Variants in LPP observed in about 807,000 individuals in gnomAD.
The protein encoded by LPP is lipoma-preferred partner.
Under a neutral mutation model 60.4 loss-of-function variants are expected in LPP, and 38 were observed. The ratio of observed to expected loss-of-function variants is 0.63; its 90% CI spans 0.49 to 0.83. The LOEUF (loss-of-function observed/expected upper bound fraction) is 0.83, where lower values mean the gene tolerates loss of function less well. Among genes scored for constraint, LPP ranks in the 40% least tolerant of loss-of-function variants. The probability of loss-of-function intolerance (pLI) is 0.00; values close to 1 mark genes in which losing one functional copy is unlikely to be tolerated. For missense variants in LPP, 902 were observed against 783.6 expected (o/e 1.15, Z -1.80); for synonymous variants, 328 against 290.8 (o/e 1.13, Z -1.30).
chr3:188,664,972 G>A (rs1358840971), intron 7 of LPP, among the ~76,000 whole-genome samples: 1 of 152,102 alleles, frequency 6.6e-6, no homozygotes, highest in Non-Finnish European at 1.5e-5. Context: ...CACTTTGGTA[G>A]CATCTTCCCC....
rs1278999959 is a variant in LPP, at chr3:188,849,835, T to C, written c.1411-16365T>C. Among the ~76,000 whole-genome samples the C allele has an allele frequency of 3.9e-5, 6 of 152,328 alleles. No homozygotes were observed. In the East Asian group the frequency reaches 1.2e-3, roughly 29 times the overall value. ...ATATCTAATGGTACAGATACCAGTT[T>C]CCTTCTTTCTCCTCACTTCCTTAGG... On this transcript the variant is annotated intron_variant, in intron 9 of 11. Coordinates refer to ENST00000617246, the MANE Select transcript of LPP (RefSeq NM_001375462.1).
At chr3:188,365,317 G>C (rs1251337696) in intron 3 of LPP, among the ~76,000 whole-genome samples, 4 of 152,156 alleles carry the variant, frequency 2.6e-5, no homozygotes, top group Non-Finnish European at 5.9e-5. Flanking sequence ...TCCTGTAGAA[G>C]GTCATTATGA....
chr3:188,608,488 C>A (rs575179395), intron 6 of LPP, among the ~76,000 whole-genome samples: 2 of 134,796 alleles, frequency 1.5e-5, no homozygotes, highest in South Asian at 5.4e-4. Flanking sequence ...ACTGTATACA[C>A]GTGGATATAT....
intron 8 of LPP, among the ~76,000 whole-genome samples, chr3:188,744,392 C>G (rs1234898813): frequency 6.6e-6 from 1 of 152,160 alleles, no homozygotes; most frequent in Non-Finnish European, 1.5e-5. Context: ...TTTGAAACAA[C>G]CTTTGAATCT....
chr3:188,474,281 G>C (rs552494170), intron 4 of LPP, among the ~76,000 whole-genome samples: 115 of 150,700 alleles, frequency 7.6e-4, no homozygotes, highest in Admixed American at 1.5e-3. Context: ...TGTTAATCAG[G>C]TAGGGGAAAC....
chr3:188,863,458 T>G (rs1366713364), intron 9 of LPP, among the ~76,000 whole-genome samples: 3 of 152,122 alleles, frequency 2.0e-5, no homozygotes, highest in African/African-American at 7.2e-5. Context: ...GTCCAGCACA[T>G]CCATTCTCAA....
rs1431767758 is a variant in LPP at position 188,613,296 on chromosome 3, A to ACC, written c.1113+3452_1113+3453insCC. ...TATCTATATCTATATCTATATCTATATCTATATCTATATCTATATATATCG... is the reference window on the plus strand; with the variant it reads ...TATCTATATCTATATCTATATCTATACCTCTATATCTATATCTATATATATCG... On this transcript the variant is annotated intron_variant, in intron 7 of 11. Coordinates refer to ENST00000617246, the MANE Select transcript of LPP (RefSeq NM_001375462.1). Among the ~76,000 whole-genome samples, 107 of 141,896 alleles carry ACC rather than the reference A, an allele frequency of 7.5e-4. 1 individual carries two copies. Among genetic ancestry groups the ACC allele is most frequent in the Admixed American group, 1.4e-3 (20 of 14,378 alleles). 93.1% of individuals were successfully genotyped at this position (141,896 alleles called of 152,430 possible).
intron 7 of LPP, among the ~76,000 whole-genome samples, chr3:188,658,137 G>GTTTAGTTTAGT (rs375100095): frequency 0.062 from 8,988 of 146,032 alleles, 399 homozygotes; most frequent in South Asian, 0.11. Flanking sequence ...TTTAGTTTAG[G>GTTTAGTTTAGT]TTAGTTTAGT....
chr3:188,803,407 C>T (rs1334696429), intron 9 of LPP, among the ~76,000 whole-genome samples: 1 of 151,988 alleles, frequency 6.6e-6, no homozygotes, highest in Non-Finnish European at 1.5e-5. Context: ...TTAAATATGG[C>T]CATAGTTTAT....
At position 188,662,104 on chromosome 3, in the gene LPP, A is replaced by T. The variant is rs529449159; in HGVS notation, c.1114-46163A>T. Reference sequence around the variant, plus strand: ...TGTCCTTATGTGAAACAATAAAAATATTTTAAAACTTTCTCTCAGTTATGC... The same window carrying T: ...TGTCCTTATGTGAAACAATAAAAATTTTTTAAAACTTTCTCTCAGTTATGC... On this transcript the variant is annotated intron_variant, in intron 7 of 11. Coordinates refer to ENST00000617246, the MANE Select transcript of LPP (RefSeq NM_001375462.1). Among the ~76,000 whole-genome samples, 10 of 152,358 alleles carry T rather than the reference A, an allele frequency of 6.6e-5. No homozygotes were observed. The South Asian group carries it at 1.7e-3, about 25-fold the overall frequency.
chr3:188,251,679 C>G (rs1364202744), intron 2 of LPP, among the ~76,000 whole-genome samples: 1 of 152,026 alleles, frequency 6.6e-6, no homozygotes, highest in Non-Finnish European at 1.5e-5. Flanking sequence ...TGGTGCTCCT[C>G]CTTCAACTTA....
At chr3:188,761,396 C>T (rs1288462035) in intron 9 of LPP, among the ~76,000 whole-genome samples, 1 of 152,148 alleles carries the variant, frequency 6.6e-6, no homozygotes, top group Non-Finnish European at 1.5e-5. Context: ...TATGGCTTTG[C>T]ATCTGTCTTA....
rs1399316723 is a variant in LPP, at chr3:188,609,735, C to T, written c.1004C>T (p.Pro335Leu). The stretch of plus-strand genomic sequence containing the variant: ...AAACGGGAACCAGGGTACACTCCTC[C>T]TGGAGCAGGGAACCAGAACCCTCCT... ...TWKREPGYTP[P>L]GAGNQNPPGM... Residue 335 changes from proline to leucine, a missense_variant, in exon 7 of 12, where the codon CCT (proline) becomes CTT (leucine). Transcript: ENST00000617246. This position sits in a 1 kb window ranked among gnomAD's most constrained non-coding sequence, Gnocchi z 6.9. The T allele has an allele frequency of 6.2e-7, 1 of 1,614,140 alleles. No individual in the cohort carries two copies. The highest frequency in any genetic ancestry group is 8.5e-7 in the Non-Finnish European group (1 of 1,180,026).
intron 1 of LPP, chr3:188,179,710 G>T (rs1398671496): frequency 2.9e-6 from 1 of 350,722 alleles, no homozygotes; most frequent in Non-Finnish European, 5.6e-6. Context: ...GCCTCTGGTT[G>T]TGAGAAATGG....
At chr3:188,375,575 G>A (rs1011583023) in intron 3 of LPP, among the ~76,000 whole-genome samples, 2 of 151,756 alleles carry the variant, frequency 1.3e-5, no homozygotes, top group African/African-American at 4.8e-5. Context: ...ATTTTTTATT[G>A]CGTCTATTTG....
intron 9 of LPP, among the ~76,000 whole-genome samples, chr3:188,770,376 T>C (rs1446496892): frequency 2.2e-5 from 3 of 134,746 alleles, no homozygotes; most frequent in Admixed American, 7.7e-5. Flanking sequence ...GTATTTTTAG[T>C]AGAGATGGGT....
chr3:188,548,133 A>G (rs1053325534), intron 6 of LPP, among the ~76,000 whole-genome samples: 1 of 152,196 alleles, frequency 6.6e-6, no homozygotes, highest in African/African-American at 2.4e-5. Flanking sequence ...AGACTGTAAC[A>G]GAGAGAATAA....
chr3:188,265,975 A>C (rs1161645968), intron 2 of LPP, among the ~76,000 whole-genome samples: 1 of 151,410 alleles, frequency 6.6e-6, no homozygotes, highest in Non-Finnish European at 1.5e-5. Flanking sequence ...AACTCTGGGG[A>C]GTGTGCATTG....
At chr3:188,786,151 G>A (rs958724773) in intron 9 of LPP, among the ~76,000 whole-genome samples, 4 of 151,840 alleles carry the variant, frequency 2.6e-5, no homozygotes, top group Admixed American at 6.6e-5. Context: ...AGGCTGAGGC[G>A]GGTGGATCAC....
Sources: allele counts gnomAD v4.1 joint callset (sites outside exome capture counted in the v4.1 genomes callset), GRCh38; gene constraint gnomAD v4.1.1; non-coding constraint Gnocchi (gnomAD v3.1); transcripts MANE v1.5; gene names NCBI Gene and HGNC (gene_info 2026-07-23, HGNC 2026-07-21).